The following CEP63 variants were observed in gnomAD, a reference collection of about 807,000 sequenced individuals.
CEP63 encodes centrosomal protein 63, also known as centrosomal protein of 63 kDa.
In CEP63, 84 loss-of-function variants were observed where a neutral mutation model predicts 89.1. The observed-to-expected ratio is 0.94, with a 90% CI of 0.79 to 1.13. The LOEUF (loss-of-function observed/expected upper bound fraction) is 1.13. Among genes scored for constraint, CEP63 ranks in the 50% most tolerant of loss-of-function variants. CEP63 has a pLI of 0.00. For synonymous variants in CEP63, 267 were observed against 272.5 expected (o/e 0.98, Z 0.20); for missense variants, 838 against 813.3 (o/e 1.03, Z -0.37).
chr3:134,710,349 T>C, the CEP63 span, among the ~76,000 whole-genome samples: 1 of 152,334 alleles, frequency 6.6e-6, no homozygotes, highest in African/African-American at 2.4e-5. Flanking sequence ...TGAAGAGTTC[T>C]GCAGCAAGTG....
intron 1 of CEP63, among the ~76,000 whole-genome samples, chr3:134,492,055 C>T (rs867789599): frequency 5.5e-4 from 81 of 146,416 alleles, no homozygotes; most frequent in African/African-American, 1.8e-3. Context: ...TATTATAAGA[C>T]ATTCTATTTG....
intron 1 of CEP63, among the ~76,000 whole-genome samples, chr3:134,491,722 A>G (rs1321252720): frequency 1.3e-5 from 2 of 152,216 alleles, no homozygotes; most frequent in East Asian, 1.9e-4. Context: ...CGGAACAGCC[A>G]TAGTTTACTG....
At chr3:134,533,333 A>G (rs1456724149) in intron 5 of CEP63, among the ~76,000 whole-genome samples, 1 of 152,210 alleles carries the variant, frequency 6.6e-6, no homozygotes, top group Non-Finnish European at 1.5e-5. Flanking sequence ...TCCTCTATGG[A>G]CATTGTTCTT....
At chr3:134,606,952 C>A in the CEP63 span, 10 of 985,332 alleles carry the variant, frequency 1.0e-5, no homozygotes, top group Non-Finnish European at 1.2e-5. Context: ...TTCCCCTCCC[C>A]TCTCTTAACA....
upstream of CEP63, chr3:134,486,001 C>G (rs891678203): frequency 6.8e-4 from 670 of 982,442 alleles, 15 homozygotes; most frequent in African/African-American, 0.011. Flanking sequence ...GCCCCCCCCC[C>G]CTCCCCCGCA....
At chr3:134,761,200 G>A in the CEP63 span, among the ~76,000 whole-genome samples, 2 of 152,138 alleles carry the variant, frequency 1.3e-5, no homozygotes, top group Non-Finnish European at 2.9e-5. Flanking sequence ...CCTACTCCCT[G>A]AGCCTGCAAG....
At chr3:134,584,151 A>T (rs1347647892) in intron 10 of CEP63, among the ~76,000 whole-genome samples, 2 of 152,124 alleles carry the variant, frequency 1.3e-5, no homozygotes, top group African/African-American at 2.4e-5. Flanking sequence ...CTCTTTTCCT[A>T]ATTGAATACC....
chr3:134,554,469 AACCCAGTCTATCATTGTTG>A, intron 12 of CEP63, among the ~76,000 whole-genome samples: 2 of 144,306 alleles, frequency 1.4e-5, no homozygotes, highest in Non-Finnish European at 3.1e-5. Flanking sequence ...ACATTTTCTT[AACCCAGTCTATCATTGTTG>A]GACATTTGGG....
At chr3:134,696,326 C>T in the CEP63 span, among the ~76,000 whole-genome samples, 12 of 152,204 alleles carry the variant, frequency 7.9e-5, no homozygotes, top group Non-Finnish European at 1.6e-4. Flanking sequence ...CAAAAATCAT[C>T]ACTCACATGG....
intron 7 of CEP63, 47 bp from the exon 8 acceptor site, chr3:134,546,102 G>A: frequency 6.2e-7 from 1 of 1,602,692 alleles, no homozygotes; most frequent in Non-Finnish European, 8.5e-7. Flanking sequence ...AGGTTCTGCA[G>A]GAATTAAAAA....
chr3:134,649,076 A>C, the CEP63 span, among the ~76,000 whole-genome samples: 1 of 152,366 alleles, frequency 6.6e-6, no homozygotes, highest in African/African-American at 2.4e-5. Context: ...CCCACCAGGC[A>C]TCAAAAGCCA....
At chr3:134,617,958 G>C in the CEP63 span, among the ~76,000 whole-genome samples, 1 of 152,190 alleles carries the variant, frequency 6.6e-6, no homozygotes, top group Non-Finnish European at 1.5e-5. Context: ...TGAGGATCCA[G>C]GTTCCTGGAG....
intron 11 of CEP63, among the ~76,000 whole-genome samples, 171 bp downstream of exon 11, chr3:134,550,431 A>G (rs1954555033): frequency 6.6e-6 from 1 of 152,172 alleles, no homozygotes; most frequent in African/African-American, 2.4e-5. Context: ...GGGAGGTGAG[A>G]GTAGACACAG....
the CEP63 span, among the ~76,000 whole-genome samples, chr3:134,645,642 G>C: frequency 2.0e-5 from 3 of 152,246 alleles, no homozygotes; most frequent in African/African-American, 2.4e-5. Context: ...CTTTACACAT[G>C]TTGATGGAGT....
chr3:134,580,575 T>C (rs1476137256), intron 10 of CEP63, among the ~76,000 whole-genome samples: 4 of 152,184 alleles, frequency 2.6e-5, no homozygotes, highest in Non-Finnish European at 4.4e-5. Context: ...AAAACCGTGA[T>C]ACCAAAAGCT....
chr3:134,689,442 T>TTTATTATTATTATTA, the CEP63 span, among the ~76,000 whole-genome samples: 3,101 of 96,428 alleles, frequency 0.032, 49 homozygotes, highest in South Asian at 0.075. Context: ...AAGGACCTTA[T>TTTATTATTATTATTA]TTATTATTAT....
At chr3:134,592,757 A>C (rs1415842902), downstream of CEP63, among the ~76,000 whole-genome samples, 1 of 152,138 alleles carries the variant, frequency 6.6e-6, no homozygotes, top group Non-Finnish European at 1.5e-5. Context: ...TTTTGAAAAC[A>C]ATTCATTAAT....
At chr3:134,668,129 G>A in the CEP63 span, among the ~76,000 whole-genome samples, 5 of 152,090 alleles carry the variant, frequency 3.3e-5, no homozygotes, top group Admixed American at 6.6e-5. Context: ...TGCAGGAACC[G>A]CCTCACATCA....
chr3:134,522,023 C>T (rs568793200), intron 3 of CEP63, among the ~76,000 whole-genome samples: 1 of 152,140 alleles, frequency 6.6e-6, no homozygotes, highest in Non-Finnish European at 1.5e-5. Context: ...CATGCACTCT[C>T]TTTTAGTCTC....
Sources: gnomAD v4.1 joint callset for allele counts (sites outside exome capture counted in the v4.1 genomes callset) on GRCh38, gnomAD v4.1.1 for gene constraint, MANE v1.5 for transcripts, NCBI Gene and HGNC (gene_info 2026-07-23, HGNC 2026-07-21) for gene names.